The following PCCA variants were observed in gnomAD, a reference collection of about 807,000 sequenced individuals.
PCCA encodes propionyl-CoA carboxylase alpha chain, mitochondrial.
A neutral mutation model predicts 101.3 loss-of-function variants in PCCA; 74 were observed. The observed-to-expected ratio is 0.73, with a 90% CI of 0.61 to 0.89. The LOEUF (loss-of-function observed/expected upper bound fraction) is 0.89, where lower values mean the gene tolerates loss of function less well. PCCA is among the 40% of genes least tolerant of loss of function. PCCA has a pLI of 0.00. For missense variants in PCCA, 891 were observed against 907.0 expected, an observed-to-expected ratio of 0.98 and a Z score of 0.23; for synonymous variants, 294 against 313.6, an observed-to-expected ratio of 0.94 and a Z score of 0.66.
At chr13:100,155,141 C>A in intron 5 of PCCA, 49 bp downstream of exon 5, 1 of 1,174,162 alleles carries the variant, frequency 8.5e-7, no homozygotes, top group Non-Finnish European at 1.3e-6. Flanking sequence ...ATGTAGTGAG[C>A]AGAAAGCTAG....
At position 100,307,241 on chromosome 13, in the gene PCCA, A is replaced by G; in HGVS notation, c.1334A>G (p.Tyr445Cys). ...IQPGSDISIY[Y>C]DPMISKLITY... The stretch of plus-strand genomic sequence containing the variant: ...CCAGGAAGTGATATTAGCATTTATT[A>G]TGATCCTATGATTTCAAAAGTTAGT... The change falls in exon 15 of 24, where the codon TAT becomes TGT. Residue 445 changes from tyrosine (Y) to cysteine (C), a missense_variant. By Grantham distance (194) the Tyr-to-Cys change is radical. Coordinates refer to ENST00000376285, the MANE Select transcript of PCCA (RefSeq NM_000282.4). 1.2e-6 allele frequency: 2 copies of G among 1,602,464 alleles called. No homozygotes were observed. The highest frequency in any genetic ancestry group is 1.7e-6 in the Non-Finnish European group (2 of 1,169,756).
At chr13:100,450,487 AT>A (rs762651002) in intron 21 of PCCA, among the ~76,000 whole-genome samples, 88 of 152,056 alleles carry the variant, frequency 5.8e-4, no homozygotes, top group Non-Finnish European at 8.7e-4. Context: ...ACCAGATATC[AT>A]TTCTAATCTG....
At chr13:100,119,690 A>T (rs1196143461) in intron 4 of PCCA, among the ~76,000 whole-genome samples, 1 of 151,904 alleles carries the variant, frequency 6.6e-6, no homozygotes, top group Non-Finnish European at 1.5e-5. Flanking sequence ...TTTCACTGAG[A>T]ATGTAATCTT....
At chr13:100,166,230 T>G (rs370094621) in intron 6 of PCCA, among the ~76,000 whole-genome samples, 1 of 151,754 alleles carries the variant, frequency 6.6e-6, no homozygotes, top group Non-Finnish European at 1.5e-5. Flanking sequence ...ACACAAGTTA[T>G]GCTGTTTTTT....
intron 19 of PCCA, among the ~76,000 whole-genome samples, chr13:100,422,111 TTTCTTTCTTTTC>T (rs2078845545): frequency 6.9e-6 from 1 of 144,262 alleles, no homozygotes; most frequent in Non-Finnish European, 1.5e-5. Context: ...TCTTTCTTTC[TTTCTTTCTTTTC>T]TTTCTTTCTT....
chr13:100,527,033 G>A (rs983406347), intron 22 of PCCA, among the ~76,000 whole-genome samples: 9 of 152,146 alleles, frequency 5.9e-5, no homozygotes, highest in African/African-American at 1.9e-4. Context: ...AGTGGTCCTC[G>A]TGGCGCCAGG....
At chr13:100,527,529 G>C (rs1375695946) in intron 22 of PCCA, 146 bp from the exon 23 acceptor site, 1 of 693,946 alleles carries the variant, frequency 1.4e-6, no homozygotes, top group Non-Finnish European at 2.7e-6. Flanking sequence ...AGATGAGCTT[G>C]GAATAGGAAA....
intron 21 of PCCA, among the ~76,000 whole-genome samples, chr13:100,512,202 G>A (rs1307809461): frequency 6.6e-6 from 1 of 152,080 alleles, no homozygotes; most frequent in Admixed American, 6.5e-5. Context: ...TGCTCTTGTG[G>A]CCTTCCTCCT....
At chr13:100,262,484 A>T (rs1203553766) in intron 9 of PCCA, among the ~76,000 whole-genome samples, 1 of 152,200 alleles carries the variant, frequency 6.6e-6, no homozygotes, top group Non-Finnish European at 1.5e-5. Context: ...TAAATAACTC[A>T]TCCATGGTCA....
At chr13:100,278,476 C>G (rs551672509) in intron 12 of PCCA, among the ~76,000 whole-genome samples, 1 of 144,852 alleles carries the variant, frequency 6.9e-6, no homozygotes, top group African/African-American at 2.6e-5. Context: ...GTATAAAACC[C>G]GATAGTTGAT....
intron 4 of PCCA, among the ~76,000 whole-genome samples, chr13:100,120,953 A>G (rs955807138): frequency 6.6e-5 from 10 of 152,096 alleles, no homozygotes; most frequent in Non-Finnish European, 1.5e-4. Flanking sequence ...ATATTCTTCC[A>G]TATTTAGGTC....
chr13:100,429,708 G>T (rs1015281000), intron 20 of PCCA, among the ~76,000 whole-genome samples: 2 of 151,962 alleles, frequency 1.3e-5, no homozygotes, highest in African/African-American at 4.8e-5. Flanking sequence ...TCGGGTTCAA[G>T]CGATTCTCTT....
At position 100,422,070 on chromosome 13, in the gene PCCA, T is replaced by TCTTTC. The variant is rs1555454058; in HGVS notation, c.1747-3563_1747-3562insCTTTC. Among the ~76,000 whole-genome samples, 928 of 110,698 alleles carry TCTTTC rather than the reference T, an allele frequency of 8.4e-3. 24 individuals are homozygous for TCTTTC. Among genetic ancestry groups the TCTTTC allele is most frequent in the African/African-American group, 0.031 (879 of 28,814 alleles). The allele number at this position is 110,698 out of a possible 152,430, so 72.6% of individuals were successfully genotyped here. A position where few individuals can be genotyped will look rare whatever the true frequency, so the allele number is the denominator to read the frequency against. On this transcript the variant is annotated intron_variant, in intron 19 of 23. Coordinates refer to ENST00000376285, the MANE Select transcript of PCCA (RefSeq NM_000282.4). The stretch of plus-strand genomic sequence containing the variant: ...TCTTTTCCTTTTCTCTTCTCTTTTC[T>TCTTTC]TTTCTTTCTTTCTTTCTTTCTTTCT...
intron 21 of PCCA, among the ~76,000 whole-genome samples, chr13:100,492,024 T>C (rs1382464972): frequency 6.6e-6 from 1 of 152,028 alleles, no homozygotes; most frequent in African/African-American, 2.4e-5. Context: ...AAAGAATTAC[T>C]TAGAAAAGGT....
At chr13:100,320,939 A>G (rs913437835) in intron 16 of PCCA, among the ~76,000 whole-genome samples, 10 of 152,202 alleles carry the variant, frequency 6.6e-5, no homozygotes, top group African/African-American at 2.4e-4. Flanking sequence ...TTGTAGAGAT[A>G]GGGTCTTTGT....
intron 12 of PCCA, among the ~76,000 whole-genome samples, chr13:100,295,193 A>G (rs1490739153): frequency 1.3e-5 from 2 of 152,206 alleles, no homozygotes; most frequent in Non-Finnish European, 2.9e-5. Flanking sequence ...CCGTGAACAG[A>G]AAGAGCAGAA....
chr13:100,315,897 C>T (rs949521051), intron 16 of PCCA, among the ~76,000 whole-genome samples: 43 of 152,186 alleles, frequency 2.8e-4, no homozygotes, highest in African/African-American at 9.4e-4. Flanking sequence ...CTACTGTCCC[C>T]ATACCATTTA....
intron 20 of PCCA, among the ~76,000 whole-genome samples, chr13:100,439,156 G>A (rs1357302418): frequency 6.6e-6 from 1 of 152,200 alleles, no homozygotes; most frequent in African/African-American, 2.4e-5. Context: ...TTGTAAACCA[G>A]AGAGTGTTTA....
At chr13:100,492,103 G>A (rs748920364) in intron 21 of PCCA, among the ~76,000 whole-genome samples, 1 of 152,118 alleles carries the variant, frequency 6.6e-6, no homozygotes, top group Admixed American at 6.5e-5. Flanking sequence ...CCCCACAGGG[G>A]CTGCTTAGAT....
Sources: gnomAD v4.1 joint callset for allele counts (sites outside exome capture counted in the v4.1 genomes callset) on GRCh38, gnomAD v4.1.1 for gene constraint, MANE v1.5 for transcripts, NCBI Gene and HGNC (gene_info 2026-07-23, HGNC 2026-07-21) for gene names.